Variants in CTNND2 observed in about 807,000 individuals in gnomAD.
CTNND2 encodes catenin delta-2.
In CTNND2, 22 loss-of-function variants were observed where a neutral mutation model predicts 144.4. That is an observed-to-expected ratio of 0.15 (90% CI 0.11 to 0.22). The LOEUF (loss-of-function observed/expected upper bound fraction) is 0.22, where lower values mean the gene tolerates loss of function less well. CTNND2 is among the 10% of genes least tolerant of loss of function. The probability of loss-of-function intolerance (pLI) is 1.00; values close to 1 mark genes in which losing one functional copy is unlikely to be tolerated. For missense variants in CTNND2, 1,353 were observed against 1,618.8 expected (o/e 0.84, Z 2.82); for synonymous variants, 751 against 695.6 (o/e 1.08, Z -1.25).
At chr5:11,227,833 A>T (rs1182374067) in intron 10 of CTNND2, among the ~76,000 whole-genome samples, 1 of 152,228 alleles carries the variant, frequency 6.6e-6, no homozygotes, top group Non-Finnish European at 1.5e-5. Flanking sequence ...ACACACAGAC[A>T]CACAAACAGA....
At chr5:11,337,534 A>C (rs1753843956) in intron 9 of CTNND2, among the ~76,000 whole-genome samples, 1 of 152,242 alleles carries the variant, frequency 6.6e-6, no homozygotes, top group Admixed American at 6.5e-5. Context: ...GTATGAGAAT[A>C]TCTAAATCCC....
intron 3 of CTNND2, among the ~76,000 whole-genome samples, chr5:11,556,954 C>T (rs1236033892): frequency 1.3e-5 from 2 of 152,116 alleles, no homozygotes; most frequent in Non-Finnish European, 2.9e-5. Flanking sequence ...AGTAAACCAT[C>T]ACTCCACTCC....
intron 2 of CTNND2, among the ~76,000 whole-genome samples, chr5:11,699,087 C>G (rs1056009963): frequency 1.3e-5 from 2 of 151,668 alleles, no homozygotes; most frequent in Non-Finnish European, 2.9e-5. Context: ...TCTACTTATA[C>G]TTTTAAAAAG....
intron 2 of CTNND2, among the ~76,000 whole-genome samples, chr5:11,714,320 G>T (rs1415565732): frequency 1.3e-5 from 2 of 151,642 alleles, no homozygotes; most frequent in African/African-American, 4.8e-5. Flanking sequence ...TTTTTTTTAT[G>T]ACCAGCTCCA....
At chr5:11,752,343 T>C (rs1192615795) in intron 1 of CTNND2, among the ~76,000 whole-genome samples, 1 of 151,346 alleles carries the variant, frequency 6.6e-6, no homozygotes, top group Non-Finnish European at 1.5e-5. Flanking sequence ...GGTTTTCCAT[T>C]TGTCTTGAGT....
chr5:11,660,623 G>T (rs140345047), intron 2 of CTNND2, among the ~76,000 whole-genome samples: 5 of 152,212 alleles, frequency 3.3e-5, no homozygotes, highest in East Asian at 1.9e-4. Context: ...GTATAAAATA[G>T]AATTTGGGAG....
intron 3 of CTNND2, among the ~76,000 whole-genome samples, chr5:11,495,723 C>T (rs1297037878): frequency 1.3e-5 from 2 of 152,204 alleles, no homozygotes; most frequent in African/African-American, 4.8e-5. Context: ...TCCCTCTCTC[C>T]TGCCTCTGGC....
At chr5:11,519,484 T>G (rs1433982886) in intron 3 of CTNND2, among the ~76,000 whole-genome samples, 2 of 147,730 alleles carry the variant, frequency 1.4e-5, no homozygotes, top group Admixed American at 1.4e-4. Context: ...GCTCTATGGT[T>G]TACTTTTCAT....
intron 9 of CTNND2, among the ~76,000 whole-genome samples, chr5:11,312,098 A>T: frequency 7.7e-6 from 1 of 129,214 alleles, no homozygotes; most frequent in South Asian, 2.7e-4. Flanking sequence ...CCCCATACAC[A>T]CACCCCACAC....
intron 1 of CTNND2, among the ~76,000 whole-genome samples, chr5:11,798,146 G>T (rs112672743): frequency 3.3e-4 from 50 of 151,644 alleles, no homozygotes; most frequent in African/African-American, 1.2e-3. Context: ...CCTGTAGTCC[G>T]GGTTACTCAG....
At chr5:11,317,376 A>G (rs2150062932) in intron 9 of CTNND2, among the ~76,000 whole-genome samples, 1 of 152,324 alleles carries the variant, frequency 6.6e-6, no homozygotes, top group South Asian at 2.1e-4. Flanking sequence ...AGCTGAACAA[A>G]TAATACTTTA....
chr5:11,755,099 T>G (rs1225927370), intron 1 of CTNND2, among the ~76,000 whole-genome samples: 22 of 151,782 alleles, frequency 1.4e-4, no homozygotes, highest in Admixed American at 1.4e-3. Flanking sequence ...TTTCCATAAT[T>G]AGCACTCCCT....
intron 7 of CTNND2, among the ~76,000 whole-genome samples, chr5:11,380,179 T>C (rs1758340249): frequency 6.6e-6 from 1 of 152,212 alleles, no homozygotes; most frequent in African/African-American, 2.4e-5. Flanking sequence ...TGCCCATTCC[T>C]GTGGCTGTTC....
rs1759460695 is a variant in CTNND2, at chr5:11,167,564, A to G, written c.1976-7805T>C. Reference sequence around the variant, plus strand: ...AAGATACAGCCATCAATACTAAGGTACTGTCTTGTTCGAAGCCAAAACTGA... The same window carrying G: ...AAGATACAGCCATCAATACTAAGGTGCTGTCTTGTTCGAAGCCAAAACTGA... On this transcript the variant is annotated intron_variant, in intron 11 of 21. Transcript: ENST00000304623. Among the ~76,000 whole-genome samples, 3 of 152,176 alleles carry G rather than the reference A, an allele frequency of 2.0e-5. No individual in the cohort carries two copies. In the South Asian group the frequency reaches 6.2e-4, roughly 32 times the overall value.
chr5:11,897,034 T>C (rs533750081), intron 1 of CTNND2, among the ~76,000 whole-genome samples: 6 of 152,316 alleles, frequency 3.9e-5, no homozygotes, highest in African/African-American at 1.4e-4. Flanking sequence ...CAATTTGTAC[T>C]ATCTCTGAGA....
chr5:11,223,087 G>A (rs1171087132), intron 10 of CTNND2, among the ~76,000 whole-genome samples: 1 of 152,176 alleles, frequency 6.6e-6, no homozygotes, highest in African/African-American at 2.4e-5. Context: ...TTTAGCAGGG[G>A]CCAGTTAGGT....
intron 1 of CTNND2, among the ~76,000 whole-genome samples, chr5:11,849,198 G>C (rs1006419061): frequency 6.6e-6 from 1 of 152,122 alleles, no homozygotes; most frequent in Non-Finnish European, 1.5e-5. Flanking sequence ...AAAGAACCAA[G>C]TGAAAGGGGT....
At chr5:10,989,580 T>TATC (rs907175569) in intron 19 of CTNND2, among the ~76,000 whole-genome samples, 4 of 152,236 alleles carry the variant, frequency 2.6e-5, no homozygotes, top group African/African-American at 9.6e-5. Flanking sequence ...CCTTCGAGCT[T>TATC]ATCATTCACA....
intron 9 of CTNND2, 124 bp from the exon 10 acceptor site, chr5:11,236,947 C>T (rs1386515016): frequency 1.9e-6 from 2 of 1,057,126 alleles, no homozygotes; most frequent in African/African-American, 3.2e-5. Flanking sequence ...AATGACTGTT[C>T]TGGTTTTCTT....
Sources: allele counts gnomAD v4.1 joint callset (sites outside exome capture counted in the v4.1 genomes callset), GRCh38; gene constraint gnomAD v4.1.1; transcripts MANE v1.5; gene names NCBI Gene and HGNC (gene_info 2026-07-23, HGNC 2026-07-21).